SART3: variants seen among roughly 807,000 people sequenced by gnomAD.
The protein encoded by SART3 is spliceosome associated factor 3, U4/U6 recycling protein.
SART3 carries 44 observed loss-of-function variants against 122.3 expected under a neutral mutation model. The ratio of observed to expected loss-of-function variants is 0.36; its 90% CI spans 0.28 to 0.46. The LOEUF is 0.46. SART3 is among the 20% of genes least tolerant of loss of function. The pLI, the probability that SART3 is intolerant of heterozygous loss-of-function variation, is 1.00. For synonymous variants in SART3, 442 were observed against 454.0 expected (o/e 0.97, Z 0.34); for missense variants, 1,101 against 1,229.0 (o/e 0.90, Z 1.56).
intron 18 of SART3, 132 bp from the exon 19 acceptor site, chr12:108,523,766 T>TC (rs1593230122): frequency 1.2e-6 from 1 of 829,206 alleles, no homozygotes; most frequent in Admixed American, 2.3e-5. Flanking sequence ...GATAAGATAA[T>TC]CCCTGCCTCC....
rs752274957 is a variant in SART3, at chr12:108,536,558, C to T, written c.1402G>A (p.Gly468Ser). The T allele has an allele frequency of 4.3e-6, 7 of 1,614,162 alleles. No individual in the cohort carries two copies. Among genetic ancestry groups the T allele is most frequent in the Non-Finnish European group, 5.9e-6 (7 of 1,180,004 alleles). The change falls in exon 11 of 19, where the codon GGT becomes AGT. Residue 468 changes from glycine to serine, a missense_variant. By Grantham distance (56) the Gly-to-Ser change is moderately conservative. Coordinates refer to ENST00000546815, the MANE Select transcript of SART3 (RefSeq NM_014706.4). ...TGCATAATCACGCAGCTTGGATCAC[C>T]ACTCTCATTGAAACCTTCAAAAACA... ...QEVEERFNESGDPSCVIMQNW... is the reference protein window; with the variant it reads ...QEVEERFNESSDPSCVIMQNW...
Position 108,523,640 on chromosome 12 carries a change from A to G in SART3, c.2715-6T>C, listed in dbSNP as rs904534938. 7 of 1,613,834 alleles carry G rather than the reference A, an allele frequency of 4.3e-6. No individual in the cohort carries two copies. The highest frequency in any genetic ancestry group is 5.9e-6 in the Non-Finnish European group (7 of 1,179,808). ...GCGTCCTTCCCTTCCCCCTCCTAAA[A>G]GAGCAAACACTGAATGGACCTTTTG... On this transcript the variant is annotated splice_polypyrimidine_tract_variant and splice_region_variant and intron_variant, in intron 18 of 18. Transcript: ENST00000546815.
chr12:108,548,144 A>G (rs2136688011), intron 2 of SART3, among the ~76,000 whole-genome samples, 153 bp from the exon 3 acceptor site: 1 of 152,394 alleles, frequency 6.6e-6, no homozygotes, highest in East Asian at 1.9e-4. Context: ...AACTAAGCAC[A>G]TAGGAGGTTT....
intron 11 of SART3, 24 bp from the exon 12 acceptor site, chr12:108,535,492 A>G: frequency 6.3e-7 from 1 of 1,591,864 alleles, no homozygotes; most frequent in Non-Finnish European, 8.6e-7. Context: ...GCAGGCTGTT[A>G]GGAGACCTGA....
intron 15 of SART3, 28 bp from the exon 16 acceptor site, chr12:108,526,581 A>C: frequency 6.2e-7 from 1 of 1,608,680 alleles, no homozygotes; most frequent in Non-Finnish European, 8.5e-7. Flanking sequence ...AAAAGTAGCC[A>C]TGGTTAACTG....
chr12:108,543,234 G>A (rs1334162572), intron 5 of SART3, 82 bp from the exon 6 acceptor site: 44 of 1,539,936 alleles, frequency 2.9e-5, no homozygotes, highest in Non-Finnish European at 2.7e-5. Flanking sequence ...TGAGACTCAG[G>A]TGCCACTAGC....
rs1450198799 is a variant in SART3, at chr12:108,560,858, C to T, written c.297G>A (p.Glu99=). 6 of 1,596,380 alleles carry T rather than the reference C, an allele frequency of 3.8e-6. No homozygotes were observed. In the African/African-American group the frequency reaches 6.7e-5, roughly 18 times the overall value. The change falls in exon 1 of 19, where the codon GAG becomes GAA. Residue 99 remains glutamate, a synonymous_variant. Coordinates refer to ENST00000546815, the MANE Select transcript of SART3 (RefSeq NM_014706.4). The part of the protein sequence containing the change: ...EEEEKNQLEI[E]RLEEQLSINV... ...CCGGGCCCACCTGCTCCTCCAGTCTCTCAATCTCCAGCTGGTTTTTCTCCT... is the reference window on the plus strand; with the variant it reads ...CCGGGCCCACCTGCTCCTCCAGTCTTTCAATCTCCAGCTGGTTTTTCTCCT...
rs1314544552 is a variant in SART3, at chr12:108,524,440, T to C, written c.2590A>G (p.Met864Val). 1.9e-6 allele frequency: 3 copies of C among 1,614,086 alleles called. No homozygotes were observed. Among genetic ancestry groups the C allele is most frequent in the Non-Finnish European group, 2.5e-6 (3 of 1,180,020 alleles). The change falls in exon 18 of 19, where the codon ATG becomes GTG. Residue 864 changes from methionine (M) to valine (V), a missense_variant. By Grantham distance (21) the Met-to-Val change is conservative. Coordinates refer to ENST00000546815, the MANE Select transcript of SART3 (RefSeq NM_014706.4). Reference sequence around the variant, plus strand: ...TTGATGATGTTCTCTTTGATAGTCATGCCGTCCATCTTCATCACAGCCTGC... The same window carrying C: ...TTGATGATGTTCTCTTTGATAGTCACGCCGTCCATCTTCATCACAGCCTGC... ...ASQAVMKMDG[M>V]TIKENIIKVA...
intron 3 of SART3, among the ~76,000 whole-genome samples, chr12:108,547,239 G>A (rs1873467469): frequency 6.6e-6 from 1 of 152,210 alleles, no homozygotes; most frequent in South Asian, 2.1e-4. Context: ...AGACTTAAAG[G>A]GAGGTGAGTC....
At chr12:108,528,819 G>T (rs973082891) in intron 15 of SART3, among the ~76,000 whole-genome samples, 1 of 152,074 alleles carries the variant, frequency 6.6e-6, no homozygotes, top group Admixed American at 6.5e-5. Context: ...AGTTTCTCAA[G>T]GTCAGAGAAG....
intron 11 of SART3, 145 bp downstream of exon 11, chr12:108,536,369 G>T: frequency 1.2e-6 from 1 of 824,984 alleles, no homozygotes; most frequent in Non-Finnish European, 2.1e-6. Flanking sequence ...TCCTTGTGGA[G>T]CCTAGACCAT....
rs747221085 is a variant in SART3, at chr12:108,525,561, C to T, written c.2419G>A (p.Gly807Ser). The change falls in exon 17 of 19, where the codon GGC (glycine) becomes AGC (serine). Residue 807 changes from glycine (G) to serine (S), a missense_variant. Gly to Ser is a moderately conservative substitution (Grantham distance 56). Around this residue, in one of 2 missense-constraint regions of SART3, gnomAD observed 885 missense variants for 1,080.1 expected, o/e 0.82. Transcript: ENST00000546815. ...SLEKHKLFIS[G>S]LPFSCTKEEL... ...TCTTTAGTACAGGAGAAAGGCAGGC[C>T]TGAGATGAACAGCTTGTGTTTCTCT... 30 of 1,613,990 alleles carry T rather than the reference C, an allele frequency of 1.9e-5. No individual in the cohort carries two copies. Among genetic ancestry groups the T allele is most frequent in the Non-Finnish European group, 2.4e-5 (28 of 1,179,968 alleles).
chr12:108,544,785 G>A (rs1197757914), intron 4 of SART3: 4 of 576,850 alleles, frequency 6.9e-6, no homozygotes, highest in Non-Finnish European at 9.2e-6. Flanking sequence ...GGCTGGTCTT[G>A]TACTCCTGAA....
At chr12:108,529,297 GCACACGCACA>G (rs1391938828) in intron 15 of SART3, among the ~76,000 whole-genome samples, 12 of 151,518 alleles carry the variant, frequency 7.9e-5, no homozygotes, top group Non-Finnish European at 1.0e-4. Flanking sequence ...ACATGCACAC[GCACACGCACA>G]CACACACACA....
At chr12:108,559,039 GAAAAAA>G (rs747479698) in intron 1 of SART3, among the ~76,000 whole-genome samples, 1,798 of 103,952 alleles carry the variant, frequency 0.017, 43 homozygotes, top group African/African-American at 0.064. Flanking sequence ...TCTCAAAAAA[GAAAAAA>G]AAAAAAAAAA....
intron 6 of SART3, among the ~76,000 whole-genome samples, chr12:108,541,232 C>T: frequency 6.6e-6 from 1 of 152,098 alleles, no homozygotes; most frequent in East Asian, 1.9e-4. Context: ...CATGGCGAAA[C>T]CCCGTCTCTA....
intron 1 of SART3, 70 bp from the exon 2 acceptor site, chr12:108,549,284 G>A: frequency 6.6e-7 from 1 of 1,522,206 alleles, no homozygotes; most frequent in South Asian, 1.1e-5. Context: ...GTCACTACTG[G>A]TAACTACACA....
At position 108,561,155 on chromosome 12, in the gene SART3, C is replaced by G. The variant is rs752252237; in HGVS notation, c.-1G>C. ...CCGAGGTTTCGGCCGCAGTCGCCAT[C>G]TTGCGCTTCTAATGACTCTCGGGTC... On this transcript the variant is annotated 5_prime_UTR_variant, in exon 1 of 19. Transcript: ENST00000546815. The G allele has an allele frequency of 6.2e-7, 1 of 1,613,288 alleles. No homozygotes were observed. The highest frequency in any genetic ancestry group is 1.7e-5 in the Admixed American group (1 of 60,018).
chr12:108,529,609 A>G (rs2111952), intron 15 of SART3, among the ~76,000 whole-genome samples: 120,044 of 152,138 alleles, frequency 0.79, 47,955 homozygotes, highest in East Asian at 0.92. Flanking sequence ...CAAAAGGGTC[A>G]TCACCAGTGA....
Sources: allele counts gnomAD v4.1 joint callset (sites outside exome capture counted in the v4.1 genomes callset), GRCh38; gene constraint gnomAD v4.1.1; regional missense constraint gnomAD v4.1.1; transcripts MANE v1.5; gene names NCBI Gene and HGNC (gene_info 2026-07-23, HGNC 2026-07-21).